ERG: variants seen among roughly 807,000 people sequenced by gnomAD.
The protein encoded by ERG is transcriptional regulator ERG.
In ERG, 9 loss-of-function variants were observed where a neutral mutation model predicts 55.3. The observed-to-expected ratio is 0.16, with a 90% CI of 0.10 to 0.28. The LOEUF (loss-of-function observed/expected upper bound fraction) is 0.28. Ranked by LOEUF, ERG falls within the 10% of genes least tolerant of loss-of-function variation. The pLI is 1.00. For missense variants in ERG, 434 were observed against 631.6 expected, an observed-to-expected ratio of 0.69 and a Z score of 3.35; for synonymous variants, 223 against 237.3, an observed-to-expected ratio of 0.94 and a Z score of 0.55.
At chr21:38,616,721 G>T (rs2060261457) in intron 1 of ERG, among the ~76,000 whole-genome samples, 1 of 152,176 alleles carries the variant, frequency 6.6e-6, no homozygotes, top group Admixed American at 6.5e-5. Context: ...AGGGAGGGAA[G>T]TCTACCCTCC....
intron 1 of ERG, among the ~76,000 whole-genome samples, chr21:38,640,732 A>G (rs456658): frequency 0.39 from 58,638 of 152,064 alleles, 12,609 homozygotes; most frequent in African/African-American, 0.57. Context: ...TCTCAGGTAC[A>G]TCTTTATCAG....
chr21:38,643,018 G>A (rs535280260), intron 1 of ERG, among the ~76,000 whole-genome samples: 42 of 152,154 alleles, frequency 2.8e-4, no homozygotes, highest in South Asian at 8.3e-4. Context: ...TTTTCTTAGC[G>A]CCCCCTTCCC....
intron 2 of ERG, among the ~76,000 whole-genome samples, chr21:38,432,588 A>T (rs1187753926): frequency 6.6e-6 from 1 of 152,224 alleles, no homozygotes; most frequent in Non-Finnish European, 1.5e-5. Flanking sequence ...ATGTTATAAT[A>T]AACATATGGA....
At chr21:38,373,196 A>G in the ERG span, among the ~76,000 whole-genome samples, 1 of 152,224 alleles carries the variant, frequency 6.6e-6, no homozygotes, top group Non-Finnish European at 1.5e-5. Flanking sequence ...TTAAACATTC[A>G]TAATGGTCTA....
chr21:38,507,038 A>T (rs1395763276), intron 2 of ERG, among the ~76,000 whole-genome samples: 1 of 152,038 alleles, frequency 6.6e-6, no homozygotes, highest in Non-Finnish European at 1.5e-5. Flanking sequence ...ACAGTCGTAC[A>T]TTCCGGTCCC....
chr21:38,490,048 C>T (rs897986858), intron 1 of ERG, among the ~76,000 whole-genome samples: 2 of 152,210 alleles, frequency 1.3e-5, no homozygotes, highest in African/African-American at 4.8e-5. Context: ...TGTGCAGTGT[C>T]CGGTGAACTC....
intron 1 of ERG, among the ~76,000 whole-genome samples, chr21:38,658,225 G>C (rs1341900075): frequency 1.6e-4 from 25 of 152,208 alleles, no homozygotes; most frequent in Admixed American, 1.6e-3. Context: ...CATTCAGAGA[G>C]ATCAGCTGTC....
chr21:38,608,055 A>G (rs903443099), intron 1 of ERG, among the ~76,000 whole-genome samples: 1 of 152,228 alleles, frequency 6.6e-6, no homozygotes, highest in Non-Finnish European at 1.5e-5. Flanking sequence ...AAGTCACAAA[A>G]TAAGTTGACA....
chr21:38,437,891 G>T (rs1199073330), intron 2 of ERG, among the ~76,000 whole-genome samples: 1 of 152,148 alleles, frequency 6.6e-6, no homozygotes, highest in Non-Finnish European at 1.5e-5. Context: ...AGCCAGAGAG[G>T]CCCTGCAAAA....
At chr21:38,420,959 G>C (rs1234791895) in intron 3 of ERG, among the ~76,000 whole-genome samples, 1 of 152,148 alleles carries the variant, frequency 6.6e-6, no homozygotes, top group African/African-American at 2.4e-5. Flanking sequence ...AGATGGGTTA[G>C]GGGGCTTCCT....
chr21:38,622,714 T>C (rs2060299322), intron 1 of ERG, among the ~76,000 whole-genome samples: 1 of 128,222 alleles, frequency 7.8e-6, no homozygotes, highest in African/African-American at 3.1e-5. Flanking sequence ...ACACACCACA[T>C]GCTCATAAAT....
exon 1 of ERG, chr21:38,584,852 G>A (rs2060052681): frequency 6.6e-6 from 1 of 152,146 alleles, no homozygotes; most frequent in Non-Finnish European, 1.5e-5. Flanking sequence ...ACCTTTAGTT[G>A]CCCTTGGTTC....
At chr21:38,612,564 A>G (rs1488108222) in intron 1 of ERG, among the ~76,000 whole-genome samples, 1 of 152,082 alleles carries the variant, frequency 6.6e-6, no homozygotes, top group African/African-American at 2.4e-5. Flanking sequence ...TCTATCCTGC[A>G]TTTTATCTGA....
chr21:38,511,478 A>G (rs1470621920), intron 2 of ERG, among the ~76,000 whole-genome samples: 2 of 152,208 alleles, frequency 1.3e-5, no homozygotes, highest in East Asian at 1.9e-4. Flanking sequence ...GCACATATGT[A>G]GGGATAAAAG....
At chr21:38,444,881 CT>C (rs2058875610) in intron 2 of ERG, among the ~76,000 whole-genome samples, 1 of 152,138 alleles carries the variant, frequency 6.6e-6, no homozygotes, top group Non-Finnish European at 1.5e-5. Flanking sequence ...GACACTCTCC[CT>C]TTGTGAAAAC....
At chr21:38,459,330 C>T (rs571670336) in intron 1 of ERG, among the ~76,000 whole-genome samples, 1 of 152,334 alleles carries the variant, frequency 6.6e-6, no homozygotes, top group Admixed American at 6.5e-5. Flanking sequence ...ACAGAGAATG[C>T]AAGATTTCTA....
chr21:38,472,805 C>T (rs1220130821), intron 1 of ERG, among the ~76,000 whole-genome samples: 1 of 152,226 alleles, frequency 6.6e-6, no homozygotes, highest in Non-Finnish European at 1.5e-5. Context: ...TGCACGTGGG[C>T]AATTCGTGCG....
intron 1 of ERG, among the ~76,000 whole-genome samples, chr21:38,496,593 T>G (rs1176310491): frequency 6.6e-6 from 1 of 152,246 alleles, no homozygotes; most frequent in Non-Finnish European, 1.5e-5. Context: ...AAGGGTTCAC[T>G]TGGGTACATA....
At chr21:38,577,356 C>A (rs2060000863) in intron 1 of ERG, among the ~76,000 whole-genome samples, 1 of 152,188 alleles carries the variant, frequency 6.6e-6, no homozygotes, top group Non-Finnish European at 1.5e-5. Context: ...ATTGGCGGAG[C>A]TTGGCTCACC....
Sources: gnomAD v4.1 joint callset for allele counts (sites outside exome capture counted in the v4.1 genomes callset) on GRCh38, gnomAD v4.1.1 for gene constraint, MANE v1.5 for transcripts, NCBI Gene and HGNC (gene_info 2026-07-23, HGNC 2026-07-21) for gene names.